The following PLEKHA6 variants were observed in gnomAD, a reference collection of about 807,000 sequenced individuals.
PLEKHA6 encodes the protein pleckstrin homology domain-containing family A member 6.
Under a neutral mutation model 116.7 loss-of-function variants are expected in PLEKHA6, and 60 were observed. That is an observed-to-expected ratio of 0.51 (90% confidence interval 0.42 to 0.64). The LOEUF (loss-of-function observed/expected upper bound fraction) is 0.64, where lower values mean the gene tolerates loss of function less well. Ranked by LOEUF, PLEKHA6 falls within the 30% of genes least tolerant of loss-of-function variation. The pLI is 0.00. For synonymous variants in PLEKHA6, 489 were observed against 556.1 expected, an observed-to-expected ratio of 0.88 and a Z score of 1.70; for missense variants, 1,338 against 1,422.7, an observed-to-expected ratio of 0.94 and a Z score of 0.96.
chr1:204,273,303 C>T (rs1209909409), intron 3 of PLEKHA6, among the ~76,000 whole-genome samples: 1 of 152,196 alleles, frequency 6.6e-6, no homozygotes, highest in Non-Finnish European at 1.5e-5. Context: ...GTGCTACTGG[C>T]ATTTAGTGGG....
At position 204,244,890 on chromosome 1, in the gene PLEKHA6, A is replaced by G; in HGVS notation, c.2146T>C (p.Ser716Pro). ...TCGTTGGAGCCAGGCTTGGTGGGGGACCCCTGAGAGCCCGACACCAGTGAA... is the reference window on the plus strand; with the variant it reads ...TCGTTGGAGCCAGGCTTGGTGGGGGGCCCCTGAGAGCCCGACACCAGTGAA... Reference protein sequence around the residue: ...PFSLVSGSQGSPTKPGSNEPK... With the variant: ...PFSLVSGSQGPPTKPGSNEPK... The change falls in exon 15 of 23, where the codon TCC becomes CCC. Residue 716 changes from serine to proline, a missense_variant. Coordinates refer to ENST00000272203, the MANE Select transcript of PLEKHA6 (RefSeq NM_014935.5). The G allele has an allele frequency of 1.3e-6, 2 of 1,558,002 alleles. No homozygotes were observed. The highest frequency in any genetic ancestry group is 1.7e-6 in the Non-Finnish European group (2 of 1,150,536).
chr1:204,327,053 C>G (rs1246943710), intron 1 of PLEKHA6: 1 of 970,550 alleles, frequency 1.0e-6, no homozygotes, highest in African/African-American at 1.8e-5. Flanking sequence ...CAGTCTCTCT[C>G]CATCCCCTCC....
intron 1 of PLEKHA6, chr1:204,313,423 T>C (rs1372690554): frequency 4.0e-6 from 1 of 247,844 alleles, no homozygotes; most frequent in African/African-American, 2.3e-5. Context: ...AACATGCACA[T>C]TCCTGGGCTC....
At chr1:204,280,277 A>G (rs944080111) in intron 1 of PLEKHA6, 2 of 982,320 alleles carry the variant, frequency 2.0e-6, no homozygotes, top group Admixed American at 1.2e-4. Flanking sequence ...CACGTGCAGT[A>G]TACCTGGCAC....
intron 1 of PLEKHA6, chr1:204,317,029 T>G (rs1572171657): frequency 1.3e-5 from 2 of 153,866 alleles, no homozygotes; most frequent in East Asian, 3.8e-4. Flanking sequence ...GGAGGTACCT[T>G]CCAGTCTCCT....
rs1182752616 is a variant in PLEKHA6, at chr1:204,247,271, T to C, written c.1920+94A>G. 8 of 729,684 alleles carry C rather than the reference T, an allele frequency of 1.1e-5. No individual in the cohort carries two copies. The East Asian group carries it at 1.9e-4, about 17-fold the overall frequency. 45.2% of individuals were successfully genotyped at this position (729,684 alleles called of 1,614,324 possible). The stretch of plus-strand genomic sequence containing the variant: ...TCTTCATCCTGAAACTTAGAGTCTG[T>C]TATCAATGGCCGGAACCTTTGCTTT... On this transcript the variant is annotated intron_variant, in intron 13 of 22. Coordinates refer to ENST00000272203, the MANE Select transcript of PLEKHA6 (RefSeq NM_014935.5).
intron 6 of PLEKHA6, among the ~76,000 whole-genome samples, chr1:204,264,419 C>T (rs1408148240): frequency 6.6e-6 from 1 of 152,116 alleles, no homozygotes; most frequent in Non-Finnish European, 1.5e-5. Context: ...ATTTGCAGCT[C>T]TTGTGGAATG....
At chr1:204,361,380 G>A (rs1673553722), upstream of PLEKHA6, among the ~76,000 whole-genome samples, 1 of 152,184 alleles carries the variant, frequency 6.6e-6, no homozygotes, top group African/African-American at 2.4e-5. Flanking sequence ...GGCCTGGGAG[G>A]AACCTGGCTG....
intron 1 of PLEKHA6, among the ~76,000 whole-genome samples, chr1:204,323,886 T>C (rs930988917): frequency 1.3e-5 from 2 of 152,342 alleles, no homozygotes; most frequent in Non-Finnish European, 2.9e-5. Flanking sequence ...TTAAATATCC[T>C]GCTTGAGGAT....
intron 1 of PLEKHA6, among the ~76,000 whole-genome samples, chr1:204,316,567 C>A (rs1295572471): frequency 2.0e-5 from 3 of 152,210 alleles, no homozygotes; most frequent in Non-Finnish European, 4.4e-5. Context: ...TGCCTCCCCA[C>A]TCATTGGCAC....
At chr1:204,346,259 A>C (rs912392188) in intron 1 of PLEKHA6, among the ~76,000 whole-genome samples, 1 of 152,166 alleles carries the variant, frequency 6.6e-6, no homozygotes, top group Admixed American at 6.5e-5. Context: ...AGATTTCTGC[A>C]CTGTCTGACA....
Position 204,273,385 on chromosome 1 carries a change from C to G in PLEKHA6, c.102+241G>C, listed in dbSNP as rs1434944921. On this transcript the variant is annotated intron_variant, in intron 3 of 22. Transcript: ENST00000272203. Reference sequence around the variant, plus strand: ...CTCATAGCACGATGAATCATCCAACCCCGACTGCTAGCAATGCTGAGGTTG... The same window carrying G: ...CTCATAGCACGATGAATCATCCAACGCCGACTGCTAGCAATGCTGAGGTTG... Among the ~76,000 whole-genome samples, 3 of 152,298 alleles carry G rather than the reference C, an allele frequency of 2.0e-5. No individual in the cohort carries two copies. The East Asian group carries it at 5.8e-4, about 29-fold the overall frequency.
intron 1 of PLEKHA6, among the ~76,000 whole-genome samples, chr1:204,355,057 TG>T (rs1248057995): frequency 6.6e-6 from 1 of 152,162 alleles, no homozygotes; most frequent in African/African-American, 2.4e-5. Context: ...ACAGTTCATG[TG>T]GGGGCTCCAG....
At position 204,257,687 on chromosome 1, in the gene PLEKHA6, C is replaced by A. The variant is rs771104660; in HGVS notation, c.1190G>T (p.Arg397Leu). 5 of 1,611,044 alleles carry A rather than the reference C, an allele frequency of 3.1e-6. No individual in the cohort carries two copies. In the South Asian group the frequency reaches 4.4e-5, roughly 14 times the overall value. Residue 397 changes from arginine (R) to leucine (L), a missense_variant, in exon 9 of 23, where the codon CGC becomes CTC. By Grantham distance (102) the Arg-to-Leu change is moderately radical (BLOSUM62 -2). This residue lies in a region of PLEKHA6 where 1,136 missense variants were observed against 1,163.6 expected (regional missense o/e 0.98). Coordinates refer to ENST00000272203, the MANE Select transcript of PLEKHA6 (RefSeq NM_014935.5). This position sits in a 1 kb window ranked among gnomAD's most constrained non-coding sequence, Gnocchi z 6.5. ...CTGGTAGGCAGGGCCACCCCCATTG[C>A]GGAAGGCATGGCGCTTGTCCTCCAG... ...WALEDKRHAF[R>L]NGGGPAYQLR...
chr1:204,327,787 T>A (rs996816572), intron 1 of PLEKHA6, among the ~76,000 whole-genome samples: 1 of 152,228 alleles, frequency 6.6e-6, no homozygotes, highest in Non-Finnish European at 1.5e-5. Context: ...AGAGCAAGTA[T>A]AAGCCAAACC....
chr1:204,226,077 C>G (rs1660326784), intron 21 of PLEKHA6, among the ~76,000 whole-genome samples: 1 of 152,216 alleles, frequency 6.6e-6, no homozygotes, highest in East Asian at 1.9e-4. Context: ...GACCTGTGCC[C>G]AGCACTGCCA....
chr1:204,364,755 C>G (rs1445650128), upstream of PLEKHA6, among the ~76,000 whole-genome samples: 2 of 152,102 alleles, frequency 1.3e-5, no homozygotes, highest in Non-Finnish European at 2.9e-5. Context: ...GAAGTGTGGG[C>G]CCCAGAGCAG....
At chr1:204,336,224 C>T (rs1672643035) in intron 1 of PLEKHA6, among the ~76,000 whole-genome samples, 1 of 152,184 alleles carries the variant, frequency 6.6e-6, no homozygotes. Flanking sequence ...AACCCACCTG[C>T]ACCAAGTCAT....
intron 1 of PLEKHA6, among the ~76,000 whole-genome samples, chr1:204,377,142 G>T (rs1224140234): frequency 6.6e-6 from 1 of 152,152 alleles, no homozygotes; most frequent in Non-Finnish European, 1.5e-5. Flanking sequence ...GGGTTGCCAG[G>T]AACTGAGTGG....
Sources: gnomAD v4.1 joint callset for allele counts (sites outside exome capture counted in the v4.1 genomes callset) on GRCh38, gnomAD v4.1.1 for gene constraint, gnomAD v4.1.1 regional missense constraint, Gnocchi (gnomAD v3.1) non-coding constraint, MANE v1.5 for transcripts, NCBI Gene and HGNC (gene_info 2026-07-23, HGNC 2026-07-21) for gene names.